The following ADCY8 variants were observed in gnomAD, a reference collection of about 807,000 sequenced individuals.
ADCY8 encodes adenylate cyclase 8, also known as adenylate cyclase type 8.
ADCY8 carries 51 observed loss-of-function variants against 119.7 expected under a neutral mutation model. The observed-to-expected ratio is 0.43, with a 90% CI of 0.34 to 0.54. ADCY8 has a LOEUF of 0.54. ADCY8 is among the 20% of genes least tolerant of loss of function. The probability of loss-of-function intolerance (pLI) is 0.03; values close to 1 mark genes in which losing one functional copy is unlikely to be tolerated. For missense variants in ADCY8, 1,383 were observed against 1,598.8 expected (o/e 0.87, Z 2.30); for synonymous variants, 665 against 651.0 (o/e 1.02, Z -0.33).
chr8:131,012,786 C>T (rs1004155233), intron 1 of ADCY8, among the ~76,000 whole-genome samples: 2 of 152,212 alleles, frequency 1.3e-5, no homozygotes, highest in Non-Finnish European at 1.5e-5. Flanking sequence ...CAGAACTCTC[C>T]GAAGTGTTGA....
chr8:130,896,417 AAT>A lies in ADCY8; in HGVS notation c.1911+7353_1911+7354del, dbSNP rs201100532. Among the ~76,000 whole-genome samples, 867 of 152,260 alleles carry A rather than the reference AAT, an allele frequency of 5.7e-3. 15 individuals are homozygous for A. The highest frequency in any genetic ancestry group is 0.022 in the East Asian group (114 of 5,168). On this transcript the variant is annotated intron_variant, in intron 7 of 17. Coordinates refer to ENST00000286355, the MANE Select transcript of ADCY8 (RefSeq NM_001115.3). ...AAGTAAGATGAGTTTGAATTTAAAG[AAT>A]GCATTTTTTTGCACGCCTTCATATT... is the stretch of plus-strand genomic sequence containing the variant.
chr8:130,866,242 C>T (rs1034338684), intron 9 of ADCY8, among the ~76,000 whole-genome samples: 1 of 152,054 alleles, frequency 6.6e-6, no homozygotes, highest in African/African-American at 2.4e-5. Flanking sequence ...GTCCCATCAT[C>T]TTCCCGGAAT....
intron 9 of ADCY8, among the ~76,000 whole-genome samples, chr8:130,861,202 A>G (rs1261805523): frequency 1.3e-5 from 2 of 152,154 alleles, no homozygotes; most frequent in South Asian, 2.1e-4. Flanking sequence ...GTCTTTTCAT[A>G]CAACCTTTAG....
chr8:130,800,704 A>T, intron 14 of ADCY8, 132 bp from the exon 15 acceptor site: 1 of 977,516 alleles, frequency 1.0e-6, no homozygotes, highest in Non-Finnish European at 1.5e-6. Context: ...AGGCTTGGAT[A>T]TCGTTATGTC....
chr8:130,781,000 G>T, intron 17 of ADCY8, 123 bp from the exon 18 acceptor site: 1 of 1,302,594 alleles, frequency 7.7e-7, no homozygotes, highest in Non-Finnish European at 1.1e-6. Flanking sequence ...GGAGGGTCCA[G>T]ATCCTGCCCC....
chr8:131,039,314 A>C, intron 1 of ADCY8, 60 bp downstream of exon 1: 2 of 1,582,978 alleles, frequency 1.3e-6, no homozygotes, highest in Non-Finnish European at 8.6e-7. Flanking sequence ...TCTGGAAGCT[A>C]TATGATCAAT....
chr8:131,035,575 G>T (rs777555900), intron 1 of ADCY8, among the ~76,000 whole-genome samples: 1 of 152,108 alleles, frequency 6.6e-6, no homozygotes, highest in Non-Finnish European at 1.5e-5. Context: ...TTCATATAGG[G>T]TGTCTGCAGA....
chr8:130,957,178 CTGATAA>C lies in ADCY8; in HGVS notation c.1111-5186_1111-5181del, dbSNP rs1463680139. Among the ~76,000 whole-genome samples, 11 of 152,228 alleles carry C rather than the reference CTGATAA, an allele frequency of 7.2e-5. No homozygotes were observed. The East Asian group carries it at 2.1e-3, about 29-fold the overall frequency. ...TTGTTGAATGGCTTTGACCATAATG[CTGATAA>C]TGACATGGACAATAAGGTCCTGGCT... On this transcript the variant is annotated intron_variant, in intron 2 of 17. Transcript: ENST00000286355.
intron 7 of ADCY8, chr8:130,892,790 T>C (rs1422669422): frequency 1.3e-5 from 2 of 152,166 alleles, no homozygotes; most frequent in Non-Finnish European, 2.9e-5. Context: ...TTCCCCGTGA[T>C]TGGGCAGAGT....
chr8:130,827,888 A>T (rs1816715012), intron 12 of ADCY8, among the ~76,000 whole-genome samples: 1 of 152,210 alleles, frequency 6.6e-6, no homozygotes, highest in Non-Finnish European at 1.5e-5. Context: ...CCAGTTAAAA[A>T]TATGGTTAGT....
intron 1 of ADCY8, among the ~76,000 whole-genome samples, chr8:131,025,631 A>G (rs1823799943): frequency 6.6e-6 from 1 of 152,240 alleles, no homozygotes; most frequent in Non-Finnish European, 1.5e-5. Flanking sequence ...ACCTGCTAAC[A>G]TGAATTCTTC....
At chr8:130,833,601 G>A (rs936309758) in intron 12 of ADCY8, among the ~76,000 whole-genome samples, 2 of 152,152 alleles carry the variant, frequency 1.3e-5, no homozygotes, top group African/African-American at 4.8e-5. Flanking sequence ...AATGAAATGA[G>A]CCAGGCTAGA....
intron 2 of ADCY8, among the ~76,000 whole-genome samples, chr8:130,989,401 G>A (rs956259462): frequency 5.3e-5 from 8 of 151,984 alleles, no homozygotes; most frequent in African/African-American, 1.9e-4. Flanking sequence ...AAAATGTTGA[G>A]TCTTTCTCTG....
intron 1 of ADCY8, among the ~76,000 whole-genome samples, chr8:131,015,334 T>C (rs1451945765): frequency 6.6e-6 from 1 of 152,144 alleles, no homozygotes; most frequent in Non-Finnish European, 1.5e-5. Context: ...GGAGTTTCCA[T>C]TTTAGGTGGA....
intron 11 of ADCY8, among the ~76,000 whole-genome samples, chr8:130,844,467 G>A (rs1817239054): frequency 6.6e-6 from 1 of 152,082 alleles, no homozygotes; most frequent in African/African-American, 2.4e-5. Flanking sequence ...TTTTGGACTG[G>A]ATATTATTTC....
intron 1 of ADCY8, among the ~76,000 whole-genome samples, chr8:131,014,322 T>C (rs973491295): frequency 5.3e-5 from 8 of 152,206 alleles, no homozygotes; most frequent in Admixed American, 5.2e-4. Context: ...GTAAGTGCAA[T>C]GGGTTTTGGT....
intron 9 of ADCY8, among the ~76,000 whole-genome samples, chr8:130,851,664 G>A (rs576841432): frequency 6.6e-6 from 1 of 152,310 alleles, no homozygotes; most frequent in East Asian, 1.9e-4. Flanking sequence ...CAGGGGAACA[G>A]TATGATAATT....
intron 1 of ADCY8, among the ~76,000 whole-genome samples, chr8:131,006,468 A>C (rs1823121678): frequency 6.6e-6 from 1 of 152,152 alleles, no homozygotes; most frequent in Non-Finnish European, 1.5e-5. Context: ...GGGCTTTTTC[A>C]AGTTTATTTA....
chr8:130,928,907 A>G (rs1363023353), intron 5 of ADCY8, among the ~76,000 whole-genome samples: 2 of 152,164 alleles, frequency 1.3e-5, no homozygotes, highest in Non-Finnish European at 2.9e-5. Flanking sequence ...CAGTGAAACC[A>G]TCAGGTCCTG....
Sources: allele counts gnomAD v4.1 joint callset (sites outside exome capture counted in the v4.1 genomes callset), GRCh38; gene constraint gnomAD v4.1.1; transcripts MANE v1.5; gene names NCBI Gene and HGNC (gene_info 2026-07-23, HGNC 2026-07-21).